The following TRIM45 variants were observed in gnomAD, a reference collection of about 807,000 sequenced individuals.
TRIM45 encodes tripartite motif containing 45, also known as E3 ubiquitin-protein ligase TRIM45.
TRIM45 carries 45 observed loss-of-function variants against 46.7 expected under a neutral mutation model. The ratio of observed to expected loss-of-function variants is 0.96; its 90% CI spans 0.76 to 1.24. The LOEUF (loss-of-function observed/expected upper bound fraction) is 1.24, where lower values mean the gene tolerates loss of function less well. Among genes scored for constraint, TRIM45 ranks in the 50% most tolerant of loss-of-function variants. TRIM45 has a pLI of 0.00. For synonymous variants in TRIM45, 259 were observed against 285.8 expected (o/e 0.91, Z 0.94); for missense variants, 680 against 728.4 (o/e 0.93, Z 0.77).
At chr1:117,114,911 C>T (rs1478736182) in intron 4 of TRIM45, among the ~76,000 whole-genome samples, 1 of 151,980 alleles carries the variant, frequency 6.6e-6, no homozygotes, top group Non-Finnish European at 1.5e-5. Flanking sequence ...GGAGGGAAAC[C>T]TCTGACTACT....
At position 117,113,441 on chromosome 1, in the gene TRIM45, G is replaced by A; in HGVS notation, c.1512C>T (p.His504=). The A allele has an allele frequency of 1.2e-6, 2 of 1,612,750 alleles. No individual in the cohort carries two copies. Among genetic ancestry groups the A allele is most frequent in the South Asian group, 2.2e-5 (2 of 91,016 alleles). Reference sequence around the variant, plus strand: ...AGGTGCAGCAGTGAAACACGCCTGAGTGTGGGCGGTGCTTTCTCCTCACCA... The same window carrying A: ...AGGTGCAGCAGTGAAACACGCCTGAATGTGGGCGGTGCTTTCTCCTCACCA... ...TVMVRRKHRP[H]SGVFHCCTFC... is the part of the protein sequence containing the mutation. Residue 504 remains histidine, a synonymous_variant, in exon 5 of 6, where the codon CAC becomes CAT. Coordinates refer to ENST00000256649, the MANE Select transcript of TRIM45 (RefSeq NM_025188.4). This position sits in a 1 kb window ranked among gnomAD's most constrained non-coding sequence, Gnocchi z 4.0.
In TRIM45 at chr1:117,118,008, A is replaced by C. The variant is rs1650466590; in HGVS notation, c.1222+26T>G. 6.3e-7 allele frequency: 1 copy of C among 1,596,798 alleles called. No individual in the cohort carries two copies. Among genetic ancestry groups the C allele is most frequent in the South Asian group, 1.1e-5 (1 of 87,272 alleles). ...CCACCTCCCTGTCCACTGCCCTCTC[A>C]ATGTCAATGGGAAATGCCTTCCTAC... On this transcript the variant is annotated intron_variant, in intron 2 of 5. Coordinates refer to ENST00000256649, the MANE Select transcript of TRIM45 (RefSeq NM_025188.4). The surrounding 1 kb of genome is among the most constrained non-coding windows in gnomAD (Gnocchi z 5.7).
intron 4 of TRIM45, among the ~76,000 whole-genome samples, chr1:117,114,899 GTGGAGGGA>G (rs1230774424): frequency 5.3e-5 from 8 of 152,144 alleles, no homozygotes; most frequent in African/African-American, 1.9e-4. Flanking sequence ...GTTGATTTCT[GTGGAGGGA>G]AACCTCTGAC....
chr1:117,117,884 TG>T lies in TRIM45; in HGVS notation c.1222+149del. 9.8e-7 allele frequency: 1 copy of T among 1,022,912 alleles called. No individual in the cohort carries two copies. Among genetic ancestry groups the T allele is most frequent in the Non-Finnish European group, 1.4e-6 (1 of 701,340 alleles). The allele number at this position is 1,022,912 out of a possible 1,614,324, so 63.4% of individuals were successfully genotyped here. A position where few individuals can be genotyped will look rare whatever the true frequency, so the allele number is the denominator to read the frequency against. On this transcript the variant is annotated intron_variant, in intron 2 of 5. Coordinates refer to ENST00000256649, the MANE Select transcript of TRIM45 (RefSeq NM_025188.4). This position sits in a 1 kb window ranked among gnomAD's most constrained non-coding sequence, Gnocchi z 4.9. ...CAGAACAAACCAGAAAGGGCAAAGG[TG>T]GGGGTCACTGTCTTTCAGATCAGTT...
Position 117,117,626 on chromosome 1 carries a change from A to C in TRIM45, c.1222+408T>G, listed in dbSNP as rs1650453097. On this transcript the variant is annotated intron_variant, in intron 2 of 5. Transcript: ENST00000256649. The surrounding 1 kb of genome is among the most constrained non-coding windows in gnomAD (Gnocchi z 4.9). ...AGGAAACCGTAATCTCATCTTCCTC[A>C]TTCCTCTGAAACTCCCTTCAGAACT... Among the ~76,000 whole-genome samples, 1 of 152,186 alleles carries C rather than the reference A, an allele frequency of 6.6e-6. No homozygotes were observed. The highest frequency in any genetic ancestry group is 2.4e-5 in the African/African-American group (1 of 41,444).
Position 117,120,938 on chromosome 1 carries a change from CGACTG to C in TRIM45, c.259_263del (p.Gln87AlafsTer10), listed in dbSNP as rs1557849241. On this transcript the variant is annotated frameshift_variant, in exon 1 of 6. Coordinates refer to ENST00000256649, the MANE Select transcript of TRIM45 (RefSeq NM_025188.4). LOFTEE classifies it high-confidence loss of function. ...ATACAGGACAAAGGATGCCGATCTG[CGACTG>C]CAGACTTCGTGGCTTGAGTTCCTGG... 9 of 1,614,190 alleles carry C rather than the reference CGACTG, an allele frequency of 5.6e-6. No homozygotes were observed. The highest frequency in any genetic ancestry group is 7.6e-6 in the Non-Finnish European group (9 of 1,180,034).
chr1:117,121,248 T>C lies in TRIM45; in HGVS notation c.-47A>G, dbSNP rs767372808. ...TATTAGAAAGGGCCCTGGGCAGTTC[T>C]ACGATTTAGTAGCAGGTGATTAAGC... On this transcript the variant is annotated 5_prime_UTR_variant, in exon 1 of 6. Coordinates refer to ENST00000256649, the MANE Select transcript of TRIM45 (RefSeq NM_025188.4). This position sits in a 1 kb window ranked among gnomAD's most constrained non-coding sequence, Gnocchi z 4.2. 2.7e-6 allele frequency: 4 copies of C among 1,502,458 alleles called. No homozygotes were observed. Among genetic ancestry groups the C allele is most frequent in the Non-Finnish European group, 3.5e-6 (4 of 1,134,374 alleles). 93.1% of individuals were successfully genotyped at this position (1,502,458 alleles called of 1,614,324 possible).
In TRIM45 at chr1:117,118,791, C is replaced by A; in HGVS notation, c.489-24G>T. 1 of 1,599,768 alleles carries A rather than the reference C, an allele frequency of 6.3e-7. No individual in the cohort carries two copies. Among genetic ancestry groups the A allele is most frequent in the South Asian group, 1.1e-5 (1 of 89,270 alleles). Reference sequence around the variant, plus strand: ...GCCTAGGGGCAAACAGAATCAGTAACAGGAAATAAGGGGATAATTCTGTTG... The same window carrying A: ...GCCTAGGGGCAAACAGAATCAGTAAAAGGAAATAAGGGGATAATTCTGTTG... On this transcript the variant is annotated intron_variant, in intron 1 of 5. Coordinates refer to ENST00000256649, the MANE Select transcript of TRIM45 (RefSeq NM_025188.4). This position sits in a 1 kb window ranked among gnomAD's most constrained non-coding sequence, Gnocchi z 5.7.
At position 117,120,849 on chromosome 1, in the gene TRIM45, A is replaced by C. The variant is rs746617592; in HGVS notation, c.353T>G (p.Val118Gly). The C allele has an allele frequency of 3.1e-5, 50 of 1,614,006 alleles. No individual in the cohort carries two copies. The highest frequency in any genetic ancestry group is 3.9e-5 in the Non-Finnish European group (46 of 1,180,040). ...VKALTIDHLA[V>G]NDVMLESLRG... ...TAGGCTCTCCAGCATCACATCATTC[A>C]CGGCCAGGTGGTCTATGGTTAAAGC... Residue 118 changes from valine (V) to glycine (G), a missense_variant, in exon 1 of 6, where the codon GTG (valine) becomes GGG (glycine). Physicochemically the swap from Val to Gly is moderately radical, Grantham distance 109. Around this residue, in one of 3 missense-constraint regions of TRIM45, gnomAD observed 349 missense variants for 343.6 expected, o/e 1.02. Transcript: ENST00000256649.
In TRIM45 at chr1:117,115,756, G is replaced by A. The variant is rs1650377982; in HGVS notation, c.1353-67C>T. On this transcript the variant is annotated intron_variant, in intron 3 of 5. Transcript: ENST00000256649. This position sits in a 1 kb window ranked among gnomAD's most constrained non-coding sequence, Gnocchi z 4.2. ...GCTGGCTTCAGTTGCTACTATTTCA[G>A]AATGTAAACTCTACACCATCCCATT... is the stretch of plus-strand genomic sequence containing the variant. 4 of 1,042,688 alleles carry A rather than the reference G, an allele frequency of 3.8e-6. No homozygotes were observed. Among genetic ancestry groups the A allele is most frequent in the Non-Finnish European group, 4.5e-6 (3 of 663,708 alleles). 64.6% of individuals were successfully genotyped at this position (1,042,688 alleles called of 1,614,324 possible).
Position 117,118,775 on chromosome 1 carries a change from C to T in TRIM45, c.489-8G>A, listed in dbSNP as rs778575206. 6.2e-7 allele frequency: 1 copy of T among 1,606,302 alleles called. No homozygotes were observed. The highest frequency in any genetic ancestry group is 1.7e-4 in the Middle Eastern group (1 of 5,988). ...GTCGTTTTCTTCTGCCGCCTAGGGG[C>T]AAACAGAATCAGTAACAGGAAATAA... On this transcript the variant is annotated splice_region_variant and splice_polypyrimidine_tract_variant and intron_variant, in intron 1 of 5. Transcript: ENST00000256649. This position sits in a 1 kb window ranked among gnomAD's most constrained non-coding sequence, Gnocchi z 5.7.
upstream of TRIM45, chr1:117,121,845 A>G (rs1650654849): frequency 1.4e-6 from 1 of 714,474 alleles, no homozygotes; most frequent in Admixed American, 2.0e-5. This position sits in a 1 kb window ranked among gnomAD's most constrained non-coding sequence, Gnocchi z 4.2. Flanking sequence ...GCCGCCCTCC[A>G]GAGTGACGCC....
Position 117,118,774 on chromosome 1 carries a change from G to A in TRIM45, c.489-7C>T, listed in dbSNP as rs1017640594. The A allele has an allele frequency of 3.1e-6, 5 of 1,607,432 alleles. No homozygotes were observed. Among genetic ancestry groups the A allele is most frequent in the Non-Finnish European group, 3.4e-6 (4 of 1,176,242 alleles). On this transcript the variant is annotated splice_region_variant and splice_polypyrimidine_tract_variant and intron_variant, in intron 1 of 5. Coordinates refer to ENST00000256649, the MANE Select transcript of TRIM45 (RefSeq NM_025188.4). This position sits in a 1 kb window ranked among gnomAD's most constrained non-coding sequence, Gnocchi z 5.7. The stretch of plus-strand genomic sequence containing the variant: ...AGTCGTTTTCTTCTGCCGCCTAGGG[G>A]CAAACAGAATCAGTAACAGGAAATA...
In TRIM45 at chr1:117,117,912, AT is replaced by A; in HGVS notation, c.1222+121del. ...GGGTCACTGTCTTTCAGATCAGTTT[AT>A]CTCCCCACCTTTGGTAACCTGGTCA... On this transcript the variant is annotated intron_variant, in intron 2 of 5. Transcript: ENST00000256649. This position sits in a 1 kb window ranked among gnomAD's most constrained non-coding sequence, Gnocchi z 4.9. 1 of 1,311,170 alleles carries A rather than the reference AT, an allele frequency of 7.6e-7. No individual in the cohort carries two copies. The highest frequency in any genetic ancestry group is 1.1e-6 in the Non-Finnish European group (1 of 949,748). 81.2% of individuals were successfully genotyped at this position (1,311,170 alleles called of 1,614,324 possible). A position where few individuals can be genotyped will look rare whatever the true frequency, so the allele number is the denominator to read the frequency against.
Position 117,112,301 on chromosome 1 carries a change from C to T in TRIM45, c.*4G>A. 6.3e-7 allele frequency: 1 copy of T among 1,591,556 alleles called. No homozygotes were observed. Among genetic ancestry groups the T allele is most frequent in the East Asian group, 2.3e-5 (1 of 43,884 alleles). On this transcript the variant is annotated 3_prime_UTR_variant, in exon 6 of 6. Transcript: ENST00000256649. ...GCAGCTTTAAAAGGCTGAGCACAAA[C>T]CCATCAGAGAGCCACAGTCCTAAGT...
chr1:117,115,730 A>C lies in TRIM45; in HGVS notation c.1353-41T>G, dbSNP rs1470237263. Reference sequence around the variant, plus strand: ...AGTCAAAACACCACTCACTTCCACAAGCTGGCTTCAGTTGCTACTATTTCA... The same window carrying C: ...AGTCAAAACACCACTCACTTCCACACGCTGGCTTCAGTTGCTACTATTTCA... On this transcript the variant is annotated intron_variant, in intron 3 of 5. Coordinates refer to ENST00000256649, the MANE Select transcript of TRIM45 (RefSeq NM_025188.4). This position sits in a 1 kb window ranked among gnomAD's most constrained non-coding sequence, Gnocchi z 4.2. 2.0e-5 allele frequency: 28 copies of C among 1,410,036 alleles called. No individual in the cohort carries two copies. The highest frequency in any genetic ancestry group is 2.8e-5 in the Non-Finnish European group (28 of 994,550). The allele number at this position is 1,410,036 out of a possible 1,614,324, so 87.3% of individuals were successfully genotyped here.
Position 117,115,468 on chromosome 1 carries a change from G to T in TRIM45, c.1467+107C>A. On this transcript the variant is annotated intron_variant, in intron 4 of 5. Coordinates refer to ENST00000256649, the MANE Select transcript of TRIM45 (RefSeq NM_025188.4). This position sits in a 1 kb window ranked among gnomAD's most constrained non-coding sequence, Gnocchi z 4.2. ...GTTTCTAAAGTGAAGAAGAAGACAT[G>T]GGGATTCTATTCAATCTCTCTGTAT... The T allele has an allele frequency of 2.5e-6, 2 of 787,720 alleles. No homozygotes were observed. Among genetic ancestry groups the T allele is most frequent in the Non-Finnish European group, 4.3e-6 (2 of 467,886 alleles). The allele number at this position is 787,720 out of a possible 1,614,324, so 48.8% of individuals were successfully genotyped here. A position where few individuals can be genotyped will look rare whatever the true frequency, so the allele number is the denominator to read the frequency against.
Position 117,116,734 on chromosome 1 carries a change from C to A in TRIM45, c.1234G>T (p.Ala412Ser), listed in dbSNP as rs777578756. 6.2e-7 allele frequency: 1 copy of A among 1,614,142 alleles called. No individual in the cohort carries two copies. Among genetic ancestry groups the A allele is most frequent in the Non-Finnish European group, 8.5e-7 (1 of 1,179,988 alleles). ...AAAGAGGCCGTCTGTTTCTCCCGGG[C>A]TCTGTGGAGGTCTGAAAAAGATAAA... ...CVLQGEDLHR[A>S]REKQTASFTL... The change falls in exon 3 of 6, where the codon GCC becomes TCC. Residue 412 changes from alanine (A) to serine (S), a missense_variant. Around this residue, in one of 3 missense-constraint regions of TRIM45, gnomAD observed 322 missense variants for 359.3 expected, o/e 0.90. Coordinates refer to ENST00000256649, the MANE Select transcript of TRIM45 (RefSeq NM_025188.4). The surrounding 1 kb of genome is among the most constrained non-coding windows in gnomAD (Gnocchi z 4.6).
chr1:117,118,909 CCTCT>C lies in TRIM45; in HGVS notation c.489-146_489-143del. On this transcript the variant is annotated intron_variant, in intron 1 of 5. Coordinates refer to ENST00000256649, the MANE Select transcript of TRIM45 (RefSeq NM_025188.4). This position sits in a 1 kb window ranked among gnomAD's most constrained non-coding sequence, Gnocchi z 5.7. ...TTGCTCTAATCTCTAATTGCATGAA[CCTCT>C]CTGATTCCAGTTTCTCATCTGTACA... 9.0e-7 allele frequency: 1 copy of C among 1,110,682 alleles called. No homozygotes were observed. Among genetic ancestry groups the C allele is most frequent in the South Asian group, 1.6e-5 (1 of 63,550 alleles). 68.8% of individuals were successfully genotyped at this position (1,110,682 alleles called of 1,614,324 possible). A position where few individuals can be genotyped will look rare whatever the true frequency, so the allele number is the denominator to read the frequency against.
Sources: gnomAD v4.1 joint callset for allele counts (sites outside exome capture counted in the v4.1 genomes callset) on GRCh38, gnomAD v4.1.1 for gene constraint, gnomAD v4.1.1 regional missense constraint, Gnocchi (gnomAD v3.1) non-coding constraint, MANE v1.5 for transcripts, NCBI Gene and HGNC (gene_info 2026-07-23, HGNC 2026-07-21) for gene names.